The following COL24A1 variants were observed in gnomAD, a reference collection of about 807,000 sequenced individuals.
COL24A1 encodes the protein collagen type XXIV alpha 1 chain.
Under a neutral mutation model 253.9 loss-of-function variants are expected in COL24A1, and 224 were observed. The observed-to-expected ratio is 0.88, with a 90% CI of 0.79 to 0.99. COL24A1 has a LOEUF of 0.99. Ranked by LOEUF, COL24A1 falls within the 50% of genes least tolerant of loss-of-function variation. COL24A1 has a pLI of 0.00. For missense variants in COL24A1, 2,131 were observed against 2,068.5 expected, an observed-to-expected ratio of 1.03 and a Z score of -0.59; for synonymous variants, 685 against 673.7, an observed-to-expected ratio of 1.02 and a Z score of -0.26.
chr1:86,007,623 G>A (rs1446356387), intron 19 of COL24A1, among the ~76,000 whole-genome samples: 1 of 152,160 alleles, frequency 6.6e-6, no homozygotes, highest in Non-Finnish European at 1.5e-5. Flanking sequence ...ATATTATTCA[G>A]TGCTAAAAAG....
At chr1:85,894,028 A>G (rs1683399671) in intron 31 of COL24A1, among the ~76,000 whole-genome samples, 1 of 152,196 alleles carries the variant, frequency 6.6e-6, no homozygotes, top group African/African-American at 2.4e-5. Flanking sequence ...TCTTTCTAAT[A>G]TACAGCACTG....
At position 85,907,222 on chromosome 1, in the gene COL24A1, G is replaced by T. The variant is rs1274741512; in HGVS notation, c.2750C>A (p.Pro917His). ...LPGHVGARGP[P>H]GSQGPKGQRG... is the part of the protein sequence containing the mutation. ...TTGTCCTTTAGGACCTTGACTCCCA[G>T]GTGGTCCTCTTGCCCCCACATGACC... Residue 917 changes from proline (P) to histidine (H), a missense_variant, in exon 28 of 60, where the codon CCT becomes CAT. Physicochemically the swap from Pro to His is moderately conservative, Grantham distance 77. Transcript: ENST00000370571. 6.2e-7 allele frequency: 1 copy of T among 1,611,362 alleles called. No individual in the cohort carries two copies. Among genetic ancestry groups the T allele is most frequent in the African/African-American group, 1.3e-5 (1 of 74,884 alleles).
intron 43 of COL24A1, among the ~76,000 whole-genome samples, chr1:85,835,199 A>C (rs1232702011): frequency 8.1e-6 from 1 of 124,132 alleles, no homozygotes; most frequent in Non-Finnish European, 1.9e-5. Context: ...GGCTCACTGC[A>C]ACCTCTGCCT....
At chr1:85,799,189 T>G (rs1173516135) in intron 47 of COL24A1, among the ~76,000 whole-genome samples, 3 of 67,974 alleles carry the variant, frequency 4.4e-5, no homozygotes, top group Non-Finnish European at 9.6e-5. Flanking sequence ...ATGCCAAGAA[T>G]TCTTTAATTC....
At chr1:86,059,063 A>G in intron 9 of COL24A1, 58 bp downstream of exon 9, 23 of 1,138,446 alleles carry the variant, frequency 2.0e-5, no homozygotes, top group Non-Finnish European at 2.8e-5. Flanking sequence ...AAAATCAGAA[A>G]TACAATGTAT....
chr1:85,759,634 T>C (rs1452467723), intron 55 of COL24A1, among the ~76,000 whole-genome samples: 13 of 152,166 alleles, frequency 8.5e-5, no homozygotes, highest in Non-Finnish European at 1.5e-5. Context: ...GAAACTAGCA[T>C]TTATTGAGTA....
At chr1:85,875,718 C>CAA (rs1468517701) in intron 33 of COL24A1, among the ~76,000 whole-genome samples, 1 of 17,890 alleles carries the variant, frequency 5.6e-5, no homozygotes. Context: ...TTATAAAAGA[C>CAA]ACACACACAC....
intron 43 of COL24A1, among the ~76,000 whole-genome samples, chr1:85,830,846 C>T (rs977641817): frequency 6.6e-6 from 1 of 152,094 alleles, no homozygotes; most frequent in African/African-American, 2.4e-5. Context: ...GAGATGAACC[C>T]AGTACCTCAG....
At chr1:85,829,132 G>C (rs7529115) in intron 43 of COL24A1, among the ~76,000 whole-genome samples, 49,497 of 126,482 alleles carry the variant, frequency 0.39, 6,838 homozygotes, top group African/African-American at 0.48. Flanking sequence ...GTGACAAAAT[G>C]TCTCAGCATT....
intron 24 of COL24A1, among the ~76,000 whole-genome samples, chr1:85,946,540 G>T (rs1038883963): frequency 2.6e-5 from 4 of 151,766 alleles, no homozygotes; most frequent in African/African-American, 4.9e-5. Flanking sequence ...TTCTCTTTGT[G>T]CAGTAGTAGC....
intron 33 of COL24A1, 64 bp from the exon 34 acceptor site, chr1:85,875,394 C>T (rs980449942): frequency 7.6e-6 from 10 of 1,320,340 alleles, no homozygotes; most frequent in Non-Finnish European, 1.1e-5. Flanking sequence ...ATGGTGGTAA[C>T]ACTGAACTCA....
intron 9 of COL24A1, 127 bp from the exon 10 acceptor site, chr1:86,058,102 C>T: frequency 1.7e-6 from 1 of 602,672 alleles, no homozygotes; most frequent in Admixed American, 3.6e-5. Context: ...CTCTGTATAA[C>T]TAATGAAGAT....
rs527845069 is a variant in COL24A1, at chr1:85,773,535, T to C, written c.4374+2139A>G. Among the ~76,000 whole-genome samples the C allele has an allele frequency of 3.9e-5, 6 of 152,344 alleles. No homozygotes were observed. In the East Asian group the frequency reaches 1.2e-3, roughly 29 times the overall value. On this transcript the variant is annotated intron_variant, in intron 53 of 59. Transcript: ENST00000370571. ...TGTTTTTCCATTTGTTTGTGTCCTA[T>C]CTTATTTCCTTGAGTAGTGGTTTGT...
In COL24A1 at chr1:86,156,712, C is replaced by T. The variant is rs997700972; in HGVS notation, c.-316G>A. 4.7e-5 allele frequency: 11 copies of T among 232,580 alleles called. No individual in the cohort carries two copies. The highest frequency in any genetic ancestry group is 3.2e-4 in the South Asian group (3 of 9,440). 14.4% of individuals were successfully genotyped at this position (232,580 alleles called of 1,614,324 possible). On this transcript the variant is annotated 5_prime_UTR_variant, in exon 1 of 60. Coordinates refer to ENST00000370571, the MANE Select transcript of COL24A1 (RefSeq NM_152890.7). ...TCGGGGCGCCGGCGGCAGCGGGAGC[C>T]GGGCTGCTAGTGCAGCACTCAAGTT...
At chr1:85,844,832 T>C (rs1015420292) in intron 39 of COL24A1, among the ~76,000 whole-genome samples, 4 of 151,996 alleles carry the variant, frequency 2.6e-5, no homozygotes, top group Non-Finnish European at 5.9e-5. Flanking sequence ...TAAAATAACA[T>C]TTGGCTCAGA....
intron 24 of COL24A1, among the ~76,000 whole-genome samples, chr1:85,952,824 A>C (rs772192541): frequency 1.3e-5 from 2 of 152,170 alleles, no homozygotes; most frequent in African/African-American, 2.4e-5. Context: ...AAGTTTCCTG[A>C]CCACTATTCT....
chr1:85,786,184 G>A (rs556558059), intron 48 of COL24A1, among the ~76,000 whole-genome samples, 170 bp downstream of exon 48: 2 of 152,178 alleles, frequency 1.3e-5, no homozygotes, highest in Non-Finnish European at 2.9e-5. Flanking sequence ...GCTATCATGG[G>A]AGATGGATAT....
intron 53 of COL24A1, among the ~76,000 whole-genome samples, chr1:85,769,447 G>A (rs1381269036): frequency 6.6e-6 from 1 of 151,936 alleles, no homozygotes; most frequent in African/African-American, 2.4e-5. Context: ...CACGTGCCAG[G>A]CATTGTACTA....
chr1:86,055,491 A>G (rs1363082751), intron 10 of COL24A1, among the ~76,000 whole-genome samples: 1 of 152,234 alleles, frequency 6.6e-6, no homozygotes, highest in Non-Finnish European at 1.5e-5. Flanking sequence ...TACAATGCAA[A>G]AATGGTACAT....
Sources: gnomAD v4.1 joint callset for allele counts (sites outside exome capture counted in the v4.1 genomes callset) on GRCh38, gnomAD v4.1.1 for gene constraint, MANE v1.5 for transcripts, NCBI Gene and HGNC (gene_info 2026-07-23, HGNC 2026-07-21) for gene names.